CES4A: variants seen among roughly 807,000 people sequenced by gnomAD.
CES4A encodes carboxylesterase 6.
Under a neutral mutation model 65.4 loss-of-function variants are expected in CES4A, and 48 were observed. The observed-to-expected ratio is 0.73, with a 90% CI of 0.58 to 0.93. The LOEUF is 0.93. CES4A is among the 40% of genes least tolerant of loss of function. The pLI is 0.00. For missense variants in CES4A, 685 were observed against 728.5 expected, an observed-to-expected ratio of 0.94 and a Z score of 0.69; for synonymous variants, 247 against 281.8, an observed-to-expected ratio of 0.88 and a Z score of 1.24.
chr16:67,006,039 G>T lies in CES4A; in HGVS notation c.1316-352G>T, dbSNP rs577059007. The stretch of plus-strand genomic sequence containing the variant: ...GAACATGTGGGTAACAGGTTAAAGG[G>T]GGGGGGGCTGGAAAATGCAGACACC... On this transcript the variant is annotated intron_variant, in intron 11 of 13. Transcript: ENST00000648724. The T allele has an allele frequency of 1.9e-4, 47 of 245,966 alleles. 1 individual carries two copies. The highest frequency in any genetic ancestry group is 1.0e-3 in the Admixed American group (22 of 21,162). The allele number at this position is 245,966 out of a possible 1,614,324, so 15.2% of individuals were successfully genotyped here. A position where few individuals can be genotyped will look rare whatever the true frequency, so the allele number is the denominator to read the frequency against.
intron 1 of CES4A, among the ~76,000 whole-genome samples, chr16:66,990,074 G>A (rs193184029): frequency 1.6e-4 from 20 of 124,644 alleles, no homozygotes; most frequent in East Asian, 1.4e-3. Flanking sequence ...TTTTTGAGAC[G>A]GAGTCTCGCC....
rs1965488981 is a variant in CES4A at position 67,003,183 on chromosome 16, C to A, written c.795+9C>A. 1 of 1,612,994 alleles carries A rather than the reference C, an allele frequency of 6.2e-7. No individual in the cohort carries two copies. The highest frequency in any genetic ancestry group is 1.7e-4 in the Middle Eastern group (1 of 6,060). ...CACTGAAAGTGGCCAAGGTGAGTGC[C>A]TCTCCTTCCCCAGGGCTCAGCATGG... On this transcript the variant is annotated intron_variant, in intron 6 of 13. Coordinates refer to ENST00000648724, the Ensembl canonical transcript of CES4A. This position sits in a 1 kb window ranked among gnomAD's most constrained non-coding sequence, Gnocchi z 4.2.
intron 1 of CES4A, among the ~76,000 whole-genome samples, chr16:66,990,812 G>A (rs1462166456): frequency 6.6e-6 from 1 of 151,856 alleles, no homozygotes; most frequent in East Asian, 1.9e-4. Context: ...ACCAAAAGCA[G>A]TTTAAAGTTT....
At chr16:67,010,159 G>A (rs1966061550), downstream of CES4A, among the ~76,000 whole-genome samples, 1 of 148,484 alleles carries the variant, frequency 6.7e-6, no homozygotes, top group African/African-American at 2.5e-5. Flanking sequence ...TCAGTCTCCC[G>A]AGTTCAAGCG....
chr16:66,997,868 T>G (rs1019420130), intron 2 of CES4A, among the ~76,000 whole-genome samples: 4 of 150,944 alleles, frequency 2.6e-5, no homozygotes, highest in Non-Finnish European at 5.9e-5. Flanking sequence ...GAGGCTGAAG[T>G]AAGAGGATTG....
At position 66,988,601 on chromosome 16, in the gene CES4A, G is replaced by A; in HGVS notation, c.-172G>A. 7.4e-7 allele frequency: 1 copy of A among 1,351,970 alleles called. No individual in the cohort carries two copies. The highest frequency in any genetic ancestry group is 2.5e-5 in the East Asian group (1 of 39,288). The allele number at this position is 1,351,970 out of a possible 1,614,324, so 83.7% of individuals were successfully genotyped here. ...TGTTGCCCAAGGCAGAGACAAGGCT[G>A]TGGGCTGGTCAGAAGCTGGTTACAA... On this transcript the variant is annotated 5_prime_UTR_variant, in exon 1 of 14. It adds an upstream start codon to the 5' untranslated region. Coordinates refer to ENST00000648724, the Ensembl canonical transcript of CES4A.
chr16:67,002,931 A>G, intron 5 of CES4A, 139 bp from the exon 6 acceptor site: 1 of 706,068 alleles, frequency 1.4e-6, no homozygotes, highest in South Asian at 1.6e-5. Context: ...ACATCACCCC[A>G]GGACTCCTGA....
rs543052134 is a variant in CES4A at position 66,995,038 on chromosome 16, G to A, written c.59-590G>A. Among the ~76,000 whole-genome samples the A allele has an allele frequency of 1.6e-4, 23 of 147,800 alleles. No homozygotes were observed. The East Asian group carries it at 2.7e-3, about 17-fold the overall frequency. ...ATAAATAAATAAATGAGGGCCGGGC[G>A]TGGTGGCTCACACCTGTAATCCCAG... On this transcript the variant is annotated intron_variant, in intron 1 of 13. Transcript: ENST00000648724.
In CES4A at chr16:67,001,569, G is replaced by C; in HGVS notation, c.690+108G>C. 4 of 1,315,632 alleles carry C rather than the reference G, an allele frequency of 3.0e-6. No individual in the cohort carries two copies. 81.5% of individuals were successfully genotyped at this position (1,315,632 alleles called of 1,614,324 possible). A position where few individuals can be genotyped will look rare whatever the true frequency, so the allele number is the denominator to read the frequency against. On this transcript the variant is annotated intron_variant, in intron 5 of 13. Transcript: ENST00000648724. This position sits in a 1 kb window ranked among gnomAD's most constrained non-coding sequence, Gnocchi z 4.1. The stretch of plus-strand genomic sequence containing the variant: ...TGCAGATTTGCGTGTACAGGAACGT[G>C]CCTGCCACAGAAATGCTCTCGCCCC...
At chr16:66,989,455 G>A (rs1449769076) in intron 1 of CES4A, among the ~76,000 whole-genome samples, 1 of 152,054 alleles carries the variant, frequency 6.6e-6, no homozygotes, top group East Asian at 1.9e-4. Flanking sequence ...AGCACTTTGA[G>A]AGGCTGAGGT....
In CES4A at chr16:67,009,016, C is replaced by G; in HGVS notation, c.1560C>G (p.Asn520Lys). 1.9e-6 allele frequency: 3 copies of G among 1,614,170 alleles called. No homozygotes were observed. The highest frequency in any genetic ancestry group is 1.7e-6 in the Non-Finnish European group (2 of 1,180,034). ...ATCTGCCCTGCTGGCCACGCTACAA[C>G]AAGGATGAAAAGTACCTGCAGCTGG... Residue 520 changes from asparagine to lysine, a missense_variant, in exon 14 of 14, where the codon AAC (asparagine) becomes AAG (lysine). Asn to Lys is a moderately conservative substitution (Grantham distance 94). Transcript: ENST00000648724.
rs1567584344 is a variant in CES4A, at chr16:67,003,123, C to T, written c.744C>T (p.Gly248=). ...TCCATCGGGCCATTTCCCAGAGTGG[C>T]ACCGCGTTATTCAGACTTTTCATCA... The change falls in exon 6 of 14, where the codon GGC becomes GGT. Residue 248 remains glycine (G), a synonymous_variant. Transcript: ENST00000648724. The surrounding 1 kb of genome is among the most constrained non-coding windows in gnomAD (Gnocchi z 4.2). 3 of 1,614,034 alleles carry T rather than the reference C, an allele frequency of 1.9e-6. No homozygotes were observed. Among genetic ancestry groups the T allele is most frequent in the Non-Finnish European group, 2.5e-6 (3 of 1,180,008 alleles).
chr16:67,004,153 C>G lies in CES4A; in HGVS notation c.1009C>G (p.Gln337Glu), dbSNP rs770557164. The change falls in exon 9 of 14, where the codon CAG becomes GAG. Residue 337 changes from glutamine (Q) to glutamate (E), a missense_variant. Transcript: ENST00000648724. ...AGATGACCCTTTGGTGCTCCTGACC[C>G]AGGGGAAGGTTTCATCTGTGCCCTA... is the stretch of plus-strand genomic sequence containing the variant. 10 of 1,614,126 alleles carry G rather than the reference C, an allele frequency of 6.2e-6. No individual in the cohort carries two copies. In the Admixed American group the frequency reaches 1.7e-4, roughly 27 times the overall value.
chr16:66,995,318 AATAAATAAATAAATAAATAAAT>A (rs1439306724), intron 1 of CES4A, among the ~76,000 whole-genome samples: 1 of 151,282 alleles, frequency 6.6e-6, no homozygotes, highest in African/African-American at 2.4e-5. Flanking sequence ...TCAAAAAATA[AATAAATAAATAAATAAATAAAT>A]ATAAATAAAT....
In CES4A at chr16:67,003,312, C is replaced by T. The variant is rs1185481699; in HGVS notation, c.852C>T (p.Cys284=). 4.3e-6 allele frequency: 7 copies of T among 1,614,160 alleles called. No homozygotes were observed. The highest frequency in any genetic ancestry group is 1.1e-5 in the South Asian group (1 of 91,082). The change falls in exon 7 of 14, where the codon TGC becomes TGT. Residue 284 remains cysteine, a synonymous_variant. Transcript: ENST00000648724. This position sits in a 1 kb window ranked among gnomAD's most constrained non-coding sequence, Gnocchi z 4.2. Reference sequence around the variant, plus strand: ...ACAGCACACAGATCCTGGTAAACTGCCTGAGGGCACTATCAGGGACCAAGG... The same window carrying T: ...ACAGCACACAGATCCTGGTAAACTGTCTGAGGGCACTATCAGGGACCAAGG...
At chr16:66,995,573 C>T in intron 1 of CES4A, 55 bp from the exon 2 acceptor site, 1 of 1,488,024 alleles carries the variant, frequency 6.7e-7, no homozygotes, top group Non-Finnish European at 9.4e-7. Flanking sequence ...GAGCCAGGGT[C>T]CCATTTGTGG....
intron 9 of CES4A, 58 bp downstream of exon 9, chr16:67,004,282 G>A: frequency 6.3e-7 from 1 of 1,593,406 alleles, no homozygotes; most frequent in South Asian, 1.1e-5. Context: ...CCATAGTGGA[G>A]GCAGGGAAGG....
At chr16:66,989,912 C>T (rs1964243655) in intron 1 of CES4A, among the ~76,000 whole-genome samples, 1 of 151,796 alleles carries the variant, frequency 6.6e-6, no homozygotes, top group Admixed American at 6.6e-5. Context: ...TCAGTCAATA[C>T]TCAAAGTTAC....
chr16:67,004,223 A>G (rs777093222), exon 9 of CES4A: 66 of 1,613,954 alleles, frequency 4.1e-5, no homozygotes, highest in Non-Finnish European at 5.3e-5. Flanking sequence ...CTCTTGCCTT[A>G]TGTAAGTGAG....
Sources: gnomAD v4.1 joint callset for allele counts (sites outside exome capture counted in the v4.1 genomes callset) on GRCh38, gnomAD v4.1.1 for gene constraint, Gnocchi (gnomAD v3.1) non-coding constraint, MANE v1.5 for transcripts, NCBI Gene and HGNC (gene_info 2026-07-23, HGNC 2026-07-21) for gene names.